EPS8L2: variants seen among roughly 807,000 people sequenced by gnomAD.
The protein encoded by EPS8L2 is EPS8 signaling adaptor L2.
A neutral mutation model predicts 99.4 loss-of-function variants in EPS8L2; 81 were observed. The observed-to-expected ratio is 0.82, with a 90% CI of 0.68 to 0.98. EPS8L2 has a LOEUF of 0.98. Ranked by LOEUF, EPS8L2 falls within the 50% of genes least tolerant of loss-of-function variation. The pLI, the probability that EPS8L2 is intolerant of heterozygous loss-of-function variation, is 0.00. For missense variants in EPS8L2, 1,155 were observed against 968.8 expected, an observed-to-expected ratio of 1.19 and a Z score of -2.55; for synonymous variants, 509 against 407.3, an observed-to-expected ratio of 1.25 and a Z score of -3.01.
At chr11:708,269 C>T (rs947001817) in intron 1 of EPS8L2, among the ~76,000 whole-genome samples, 1 of 152,202 alleles carries the variant, frequency 6.6e-6, no homozygotes, top group African/African-American at 2.4e-5. Context: ...GGGCATAGTC[C>T]CCTTGGGACA....
At chr11:722,299 T>C (rs1862201919) in intron 12 of EPS8L2, 102 bp from the exon 13 acceptor site, 1 of 1,547,012 alleles carries the variant, frequency 6.5e-7, no homozygotes, top group Non-Finnish European at 8.8e-7. Context: ...CCACTCTCCC[T>C]GGGGTCCAAA....
Position 724,841 on chromosome 11 carries a change from G to A in EPS8L2, c.1560+12G>A. ...ATGAGGTCCTAGAGGTGAGGGGCTG[G>A]AGGACGGGGTCCAAGAGGGGGAAAC... On this transcript the variant is annotated intron_variant, in intron 16 of 20. Transcript: ENST00000318562. The surrounding 1 kb of genome is among the most constrained non-coding windows in gnomAD (Gnocchi z 5.5). 1.3e-6 allele frequency: 2 copies of A among 1,591,744 alleles called. No homozygotes were observed. The highest frequency in any genetic ancestry group is 1.7e-6 in the Non-Finnish European group (2 of 1,160,488).
rs1862352159 is a variant in EPS8L2, at chr11:727,091, G to C, written c.*110G>C. Reference sequence around the variant, plus strand: ...GTATCAAGGACACGGAGGGGGTGTGGTGCTGGCTAGAGGTCCCTGCCCCTG... The same window carrying C: ...GTATCAAGGACACGGAGGGGGTGTGCTGCTGGCTAGAGGTCCCTGCCCCTG... On this transcript the variant is annotated 3_prime_UTR_variant, in exon 21 of 21. Coordinates refer to ENST00000318562, the MANE Select transcript of EPS8L2 (RefSeq NM_022772.4). 1.6e-5 allele frequency: 13 copies of C among 805,394 alleles called. No homozygotes were observed. Among genetic ancestry groups the C allele is most frequent in the Admixed American group, 7.1e-5 (3 of 42,288 alleles). The allele number at this position is 805,394 out of a possible 1,614,324, so 49.9% of individuals were successfully genotyped here. A position where few individuals can be genotyped will look rare whatever the true frequency, so the allele number is the denominator to read the frequency against.
chr11:720,605 G>C lies in EPS8L2; in HGVS notation c.336G>C (p.Leu112=), dbSNP rs1295041926. 6.2e-7 allele frequency: 1 copy of C among 1,600,090 alleles called. No homozygotes were observed. Among genetic ancestry groups the C allele is most frequent in the Admixed American group, 1.7e-5 (1 of 57,768 alleles). ...GCGCGATGTACCCGCAGGAGGAGCT[G>C]GAAGACTTCCCGCTGCCCACGGTGC... ...RLLDIESQEE[L]EDFPLPTVQR... is the part of the protein sequence containing the mutation. The change falls in exon 6 of 21, where the codon CTG becomes CTC. Residue 112 remains leucine (L), a synonymous_variant. Transcript: ENST00000318562.
chr11:720,902 A>G lies in EPS8L2; in HGVS notation c.550A>G (p.Thr184Ala). 1.5e-6 allele frequency: 2 copies of G among 1,320,652 alleles called. No homozygotes were observed. The highest frequency in any genetic ancestry group is 1.3e-5 in the South Asian group (1 of 77,720). 81.8% of individuals were successfully genotyped at this position (1,320,652 alleles called of 1,614,324 possible). The change falls in exon 7 of 21, where the codon ACC becomes GCC. Residue 184 changes from threonine (T) to alanine (A), a missense_variant. Physicochemically the swap from Thr to Ala is moderately conservative, Grantham distance 58 (BLOSUM62 0). Transcript: ENST00000318562. ...CRLGKKMRPQ[T>A]LKGHQEKIRQ... ...GCTGGGCAAGAAGATGCGGCCGCAGACCCTGAAGTAGGGCAGCGGGCGGAG... is the reference window on the plus strand; with the variant it reads ...GCTGGGCAAGAAGATGCGGCCGCAGGCCCTGAAGTAGGGCAGCGGGCGGAG...
In EPS8L2 at chr11:722,815, C is replaced by T. The variant is rs761445522; in HGVS notation, c.1341+10C>T. 1 of 1,531,610 alleles carries T rather than the reference C, an allele frequency of 6.5e-7. No individual in the cohort carries two copies. Among genetic ancestry groups the T allele is most frequent in the Non-Finnish European group, 8.8e-7 (1 of 1,142,708 alleles). The allele number at this position is 1,531,610 out of a possible 1,614,324, so 94.9% of individuals were successfully genotyped here. ...TGCCCCCATCGAGGAGGTGAGAGCA[C>T]CAGCAGCCCCCATCCCTACCCCAGC... On this transcript the variant is annotated intron_variant, in intron 14 of 20. Coordinates refer to ENST00000318562, the MANE Select transcript of EPS8L2 (RefSeq NM_022772.4).
intron 15 of EPS8L2, 128 bp downstream of exon 15, chr11:723,481 T>G (rs537849256): frequency 2.2e-6 from 1 of 448,584 alleles, no homozygotes; most frequent in Non-Finnish European, 4.0e-6. Context: ...AAAATACTTT[T>G]CCAGATTTGA....
Position 720,218 on chromosome 11 carries a change from TCA to T in EPS8L2, c.325_326del (p.Gln109GlyfsTer48). On this transcript the variant is annotated frameshift_variant, in exon 5 of 21. Transcript: ENST00000318562. LOFTEE classifies it high-confidence loss of function. Reference protein sequence around the residue: ...DQSLRLLDIESQEELEDFPLP... With the variant: ...DQSLRLLDIEXQEELEDFPLP... ...GTCGCTGCGGCTGCTGGACATCGAGTCACAGGTGGGGCCCAGCGCCACGGGGG... is the reference window on the plus strand; with the variant it reads ...GTCGCTGCGGCTGCTGGACATCGAGTCAGGTGGGGCCCAGCGCCACGGGGG... The T allele has an allele frequency of 6.2e-7, 1 of 1,612,784 alleles. No homozygotes were observed. The highest frequency in any genetic ancestry group is 1.3e-5 in the African/African-American group (1 of 74,968).
rs773044310 is a variant in EPS8L2 at position 721,180 on chromosome 11, G to A, written c.674G>A (p.Gly225Asp). 2 of 1,533,498 alleles carry A rather than the reference G, an allele frequency of 1.3e-6. No homozygotes were observed. Among genetic ancestry groups the A allele is most frequent in the Admixed American group, 4.0e-5 (2 of 50,070 alleles). The allele number at this position is 1,533,498 out of a possible 1,614,324, so 95.0% of individuals were successfully genotyped here. A position where few individuals can be genotyped will look rare whatever the true frequency, so the allele number is the denominator to read the frequency against. Residue 225 changes from glycine to aspartate, a missense_variant, in exon 8 of 21, where the codon GGC becomes GAC. By Grantham distance (94) the Gly-to-Asp change is moderately conservative. Transcript: ENST00000318562. The part of the protein sequence containing the change: ...GDSPEAKNRV[G>D]PQVPLSEPGF... ...TCCCCGGAGGCCAAGAATCGCGTGG[G>A]CCCGCAGGTGCCACTCAGCGAGCCA...
At position 720,683 on chromosome 11, in the gene EPS8L2, C is replaced by A. The variant is rs1862133167; in HGVS notation, c.414C>A (p.Leu138=). 2 of 1,592,428 alleles carry A rather than the reference C, an allele frequency of 1.3e-6. No individual in the cohort carries two copies. Among genetic ancestry groups the A allele is most frequent in the African/African-American group, 1.3e-5 (1 of 74,478 alleles). Residue 138 remains leucine, a synonymous_variant, in exon 6 of 21, where the codon CTC becomes CTA. Transcript: ENST00000318562. ...TGCGCTACCCGTCTGTGCTGCTGCT[C>A]GTGTGCCAGGACTCGGAGCAGAGCA... ...NQLRYPSVLL[L]VCQDSEQSKP...
At chr11:713,236 A>G (rs1861935277) in intron 4 of EPS8L2, among the ~76,000 whole-genome samples, 1 of 152,220 alleles carries the variant, frequency 6.6e-6, no homozygotes, top group African/African-American at 2.4e-5. Flanking sequence ...GTTATCACAC[A>G]GTAAAAGCCA....
At position 726,442 on chromosome 11, in the gene EPS8L2, A is replaced by G; in HGVS notation, c.1892A>G (p.Asp631Gly). 6.3e-7 allele frequency: 1 copy of G among 1,590,726 alleles called. No homozygotes were observed. The highest frequency in any genetic ancestry group is 8.5e-7 in the Non-Finnish European group (1 of 1,170,334). ...SQPLTYESGP[D>G]EVRAWLEAKA... ...CCGCTCACCTACGAGTCGGGTCCGG[A>G]CGAGGTCCGCGCCTGGCTGGAAGCC... The change falls in exon 19 of 21, where the codon GAC becomes GGC. Residue 631 changes from aspartate to glycine, a missense_variant. Coordinates refer to ENST00000318562, the MANE Select transcript of EPS8L2 (RefSeq NM_022772.4).
chr11:725,838 G>C lies in EPS8L2; in HGVS notation c.1671G>C (p.Pro557=), dbSNP rs760650297. Residue 557 remains proline (P), a synonymous_variant, in exon 17 of 21, where the codon CCG becomes CCC. Coordinates refer to ENST00000318562, the MANE Select transcript of EPS8L2 (RefSeq NM_022772.4). The part of the protein sequence containing the change: ...GEARPEDAGA[P]FEQAGQKYWG... ...CGCGACCGGAGGACGCCGGCGCCCC[G>C]TTCGAGCAGGTGAGCCCGCGGGGGT... The C allele has an allele frequency of 4.3e-6, 6 of 1,383,036 alleles. No homozygotes were observed. The South Asian group carries it at 9.1e-5, about 21-fold the overall frequency. 85.7% of individuals were successfully genotyped at this position (1,383,036 alleles called of 1,614,324 possible). A position where few individuals can be genotyped will look rare whatever the true frequency, so the allele number is the denominator to read the frequency against.
rs752054193 is a variant in EPS8L2, at chr11:722,076, T to C, written c.985-15T>C. 1 of 1,612,804 alleles carries C rather than the reference T, an allele frequency of 6.2e-7. No homozygotes were observed. Among genetic ancestry groups the C allele is most frequent in the South Asian group, 1.1e-5 (1 of 91,040 alleles). ...CGCCCCGCCCCGGCACCTGCTCACT[T>C]GTTCCCACCCCCAGGCAAAGCTGCA... On this transcript the variant is annotated splice_polypyrimidine_tract_variant and intron_variant, in intron 11 of 20. Coordinates refer to ENST00000318562, the MANE Select transcript of EPS8L2 (RefSeq NM_022772.4).
rs1179556803 is a variant in EPS8L2, at chr11:721,343, G to A, written c.759G>A (p.Glu253=). ...GGGCCGTGCTGGCTCAGAAGATAGA[G>A]AAGGAGACGGTGGGTGCCCGGGCCC... ...EPRAVLAQKI[E]KETQILNCAL... is the part of the protein sequence containing the mutation. Residue 253 remains glutamate (E), a synonymous_variant, in exon 9 of 21, where the codon GAG becomes GAA. Transcript: ENST00000318562. 7 of 1,539,856 alleles carry A rather than the reference G, an allele frequency of 4.5e-6. No homozygotes were observed. The highest frequency in any genetic ancestry group is 5.2e-6 in the Non-Finnish European group (6 of 1,146,518).
Position 725,772 on chromosome 11 carries a change from C to CG in EPS8L2, c.1607dup (p.Gln537ProfsTer234). 1 of 1,353,924 alleles carries CG rather than the reference C, an allele frequency of 7.4e-7. No homozygotes were observed. Among genetic ancestry groups the CG allele is most frequent in the Non-Finnish European group, 9.5e-7 (1 of 1,056,096 alleles). 83.9% of individuals were successfully genotyped at this position (1,353,924 alleles called of 1,614,324 possible). A position where few individuals can be genotyped will look rare whatever the true frequency, so the allele number is the denominator to read the frequency against. ...AGTGGTGGAAGCTGCGCAGCCGCAG[C>CG]GGCCAGGCGGGGTACGTGCCCTGCA... On this transcript the variant is annotated frameshift_variant, in exon 17 of 21. Transcript: ENST00000318562. LOFTEE classifies it high-confidence loss of function.
At chr11:714,317 C>T (rs546804708) in intron 4 of EPS8L2, among the ~76,000 whole-genome samples, 1 of 151,672 alleles carries the variant, frequency 6.6e-6, no homozygotes, top group East Asian at 1.9e-4. Context: ...GCAACCTCCA[C>T]CTCTTGGGTT....
At chr11:720,470 C>A (rs1031619757) in intron 5 of EPS8L2, 127 bp from the exon 6 acceptor site, 6 of 1,449,870 alleles carry the variant, frequency 4.1e-6, no homozygotes, top group South Asian at 1.2e-5. Context: ...TAGTCCTCAT[C>A]TTTGGGAGCC....
chr11:710,414 C>G lies in EPS8L2; in HGVS notation c.101-8C>G, dbSNP rs377044318. Reference sequence around the variant, plus strand: ...CGTCGGGGGAGTGACTGGTGTCTCCCGGTTCAGAGCAGAGGAAGAAGTATT... The same window carrying G: ...CGTCGGGGGAGTGACTGGTGTCTCCGGGTTCAGAGCAGAGGAAGAAGTATT... On this transcript the variant is annotated splice_region_variant and splice_polypyrimidine_tract_variant and intron_variant, in intron 3 of 20. Transcript: ENST00000318562. 1 of 1,613,218 alleles carries G rather than the reference C, an allele frequency of 6.2e-7. No homozygotes were observed. Among genetic ancestry groups the G allele is most frequent in the East Asian group, 2.2e-5 (1 of 44,872 alleles).
Sources: gnomAD v4.1 joint callset for allele counts (sites outside exome capture counted in the v4.1 genomes callset) on GRCh38, gnomAD v4.1.1 for gene constraint, Gnocchi (gnomAD v3.1) non-coding constraint, MANE v1.5 for transcripts, NCBI Gene and HGNC (gene_info 2026-07-23, HGNC 2026-07-21) for gene names.